DISC1: variants seen among roughly 807,000 people sequenced by gnomAD.
DISC1 encodes disrupted in schizophrenia 1 protein.
DISC1 carries 57 observed loss-of-function variants against 84.5 expected under a neutral mutation model. That is an observed-to-expected ratio of 0.67 (90% CI 0.55 to 0.84). The LOEUF (loss-of-function observed/expected upper bound fraction) is 0.84. Ranked by LOEUF, DISC1 falls within the 40% of genes least tolerant of loss-of-function variation. The pLI is 0.00. For synonymous variants in DISC1, 411 were observed against 415.2 expected (o/e 0.99, Z 0.12); for missense variants, 1,000 against 1,057.8 (o/e 0.95, Z 0.76).
intron 9 of DISC1, among the ~76,000 whole-genome samples, chr1:231,879,126 ATACT>A (rs1339469411): frequency 6.6e-6 from 1 of 151,388 alleles, no homozygotes; most frequent in East Asian, 2.0e-4. Context: ...TATTTATATG[ATACT>A]TACTTGTTCA....
chr1:231,733,190 A>T (rs966033282), intron 3 of DISC1, among the ~76,000 whole-genome samples: 2 of 70,070 alleles, frequency 2.9e-5, no homozygotes, highest in African/African-American at 1.0e-4. Context: ...TTTACTTGGC[A>T]AATTCTTGCT....
chr1:231,921,892 A>T (rs1235129435), intron 9 of DISC1, among the ~76,000 whole-genome samples: 1 of 133,662 alleles, frequency 7.5e-6, no homozygotes, highest in Admixed American at 8.9e-5. Context: ...ACACATTGTT[A>T]TTACATAGAG....
At chr1:231,900,116 T>G (rs1234698824) in intron 9 of DISC1, among the ~76,000 whole-genome samples, 2 of 152,236 alleles carry the variant, frequency 1.3e-5, no homozygotes, top group Admixed American at 6.5e-5. Flanking sequence ...AAATTTCTCT[T>G]GCACCCTGCT....
rs146616190 is a variant in DISC1, at chr1:231,985,936, G to A, written c.2043-22849G>A. On this transcript the variant is annotated intron_variant, in intron 10 of 12. Transcript: ENST00000439617. ...GACTTTGAAATCTTTCTCATAAAAT[G>A]CGTGAAAATCTGGTGCCATCAGATC... is the stretch of plus-strand genomic sequence containing the variant. 8.5e-5 allele frequency among the ~76,000 whole-genome samples: 13 copies of A among 152,296 alleles called. No individual in the cohort carries two copies. The East Asian group carries it at 2.5e-3, about 29-fold the overall frequency.
At chr1:231,686,823 A>G (rs2064338683) in intron 1 of DISC1, among the ~76,000 whole-genome samples, 1 of 152,126 alleles carries the variant, frequency 6.6e-6, no homozygotes, top group African/African-American at 2.4e-5. Flanking sequence ...AATGCCTTTA[A>G]CAGCACCCAT....
intron 1 of DISC1, among the ~76,000 whole-genome samples, chr1:231,660,092 G>C (rs2125360922): frequency 6.6e-6 from 1 of 152,224 alleles, no homozygotes; most frequent in East Asian, 1.9e-4. Flanking sequence ...CACTATTATT[G>C]TGTGGGAGTC....
At chr1:231,713,709 T>TAC (rs1553319407) in intron 3 of DISC1, among the ~76,000 whole-genome samples, 3 of 71,856 alleles carry the variant, frequency 4.2e-5, no homozygotes, top group African/African-American at 1.2e-4. Context: ...AGGAGATATA[T>TAC]ATATATATAT....
intron 8 of DISC1, among the ~76,000 whole-genome samples, chr1:231,800,647 A>T (rs979805807): frequency 6.6e-6 from 1 of 152,168 alleles, no homozygotes; most frequent in African/African-American, 2.4e-5. Context: ...TTACTCTGGC[A>T]GTTATTAAGG....
intron 10 of DISC1, among the ~76,000 whole-genome samples, chr1:231,998,063 G>A (rs1666182425): frequency 6.6e-6 from 1 of 152,122 alleles, no homozygotes; most frequent in Non-Finnish European, 1.5e-5. Flanking sequence ...AAAACATGAA[G>A]CCCTAAAAAG....
intron 11 of DISC1, among the ~76,000 whole-genome samples, chr1:232,010,108 G>A (rs1161421422): frequency 1.3e-5 from 2 of 152,116 alleles, no homozygotes; most frequent in African/African-American, 4.8e-5. Flanking sequence ...GGATTCCATG[G>A]TCTTATAAGA....
chr1:231,694,834 G>A (rs186275638), intron 2 of DISC1, 29 bp downstream of exon 2: 38 of 1,609,282 alleles, frequency 2.4e-5, no homozygotes, highest in East Asian at 1.1e-4. Flanking sequence ...TCTGTGGCCC[G>A]AGATTGTCGT....
At chr1:231,695,415 C>T (rs1489985892) in intron 2 of DISC1, among the ~76,000 whole-genome samples, 1 of 152,160 alleles carries the variant, frequency 6.6e-6, no homozygotes, top group Non-Finnish European at 1.5e-5. Context: ...CATCTAAGGC[C>T]CAGCCTTATG....
intron 9 of DISC1, among the ~76,000 whole-genome samples, chr1:231,844,316 A>G (rs1328510946): frequency 6.6e-6 from 1 of 152,152 alleles, no homozygotes; most frequent in African/African-American, 2.4e-5. Flanking sequence ...TTATGTGTAC[A>G]GGTTTATTGT....
chr1:231,694,535 G>A lies in DISC1; in HGVS notation c.777G>A (p.Pro259=), dbSNP rs377484189. 1.1e-5 allele frequency: 17 copies of A among 1,614,072 alleles called. No individual in the cohort carries two copies. The highest frequency in any genetic ancestry group is 2.2e-5 in the East Asian group (1 of 44,900). Residue 259 remains proline, a synonymous_variant, in exon 2 of 13, where the codon CCG becomes CCA. Transcript: ENST00000439617. ...GCTTGGACGGGCCTCACGAGGACCC[G>A]CGATGTCTCTCTCGGCCCTTCAGTC... The part of the protein sequence containing the change: ...AASLDGPHED[P]RCLSRPFSLL...
intron 9 of DISC1, among the ~76,000 whole-genome samples, chr1:231,903,891 G>A (rs1023043317): frequency 2.6e-5 from 4 of 152,354 alleles, no homozygotes; most frequent in South Asian, 4.1e-4. Context: ...GATCTGACTC[G>A]TGTTTAGAAG....
intron 1 of DISC1, among the ~76,000 whole-genome samples, chr1:231,635,243 C>G (rs1012907824): frequency 5.9e-5 from 9 of 152,124 alleles, no homozygotes; most frequent in Middle Eastern, 3.4e-3. Context: ...TTATCTCCCC[C>G]CAAGCAAATT....
At chr1:231,795,655 G>A (rs2078702119) in intron 7 of DISC1, among the ~76,000 whole-genome samples, 1 of 152,230 alleles carries the variant, frequency 6.6e-6, no homozygotes, top group Admixed American at 6.5e-5. Context: ...TTGGGAGGCC[G>A]AGGTGGGTGG....
At chr1:231,686,036 G>A (rs960411167) in intron 1 of DISC1, among the ~76,000 whole-genome samples, 5 of 152,182 alleles carry the variant, frequency 3.3e-5, no homozygotes, top group African/African-American at 9.6e-5. Flanking sequence ...GATCCAAGAG[G>A]TGGGTTCCCA....
At chr1:231,720,741 G>C in intron 3 of DISC1, 1 of 866,494 alleles carries the variant, frequency 1.2e-6, no homozygotes, top group Non-Finnish European at 1.6e-6. Context: ...CTTTCTGCAT[G>C]AGGGCTAAAA....
Sources: allele counts gnomAD v4.1 joint callset (sites outside exome capture counted in the v4.1 genomes callset), GRCh38; gene constraint gnomAD v4.1.1; transcripts MANE v1.5; gene names NCBI Gene and HGNC (gene_info 2026-07-23, HGNC 2026-07-21).